Variants in ARHGAP20 observed in about 807,000 individuals in gnomAD.
ARHGAP20 encodes the protein Rho GTPase activating protein 20.
In ARHGAP20, 34 loss-of-function variants were observed where a neutral mutation model predicts 73.7. The observed-to-expected ratio is 0.46, with a 90% CI of 0.35 to 0.61. The LOEUF is 0.61. Among genes scored for constraint, ARHGAP20 ranks in the 20% least tolerant of loss-of-function variants. ARHGAP20 has a pLI of 0.00. For synonymous variants in ARHGAP20, 523 were observed against 518.2 expected (o/e 1.01, Z -0.13); for missense variants, 1,314 against 1,420.9 (o/e 0.92, Z 1.21).
Position 110,699,503 on chromosome 11 carries a change from C to T in ARHGAP20, c.106-8874G>A, listed in dbSNP as rs897171664. 2.6e-5 allele frequency among the ~76,000 whole-genome samples: 4 copies of T among 151,922 alleles called. No individual in the cohort carries two copies. In the South Asian group the frequency reaches 6.2e-4, roughly 24 times the overall value. On this transcript the variant is annotated intron_variant, in intron 1 of 14. Coordinates refer to ENST00000683387, the MANE Select transcript of ARHGAP20 (RefSeq NM_001384657.1). ...CTGTCCAGTGATATCAGTGGGGTGT[C>T]GAAGTCCCCCACTATTACTGTATTA...
chr11:110,701,437 T>A (rs1268345533), intron 1 of ARHGAP20, among the ~76,000 whole-genome samples: 1 of 151,902 alleles, frequency 6.6e-6, no homozygotes, highest in South Asian at 2.1e-4. Context: ...GGGGTTGTTT[T>A]TTTCTTGTAA....
intron 4 of ARHGAP20, among the ~76,000 whole-genome samples, chr11:110,623,152 C>T (rs1416442562): frequency 4.0e-5 from 6 of 151,760 alleles, no homozygotes; most frequent in African/African-American, 1.5e-4. Context: ...TGTGGTAGGC[C>T]AAATAGTGCA....
At chr11:110,604,914 T>C (rs1309243539) in intron 9 of ARHGAP20, among the ~76,000 whole-genome samples, 1 of 152,112 alleles carries the variant, frequency 6.6e-6, no homozygotes, top group East Asian at 1.9e-4. Flanking sequence ...GACAGTTGAC[T>C]CAAGTAGTTG....
In ARHGAP20 at chr11:110,592,057, T is replaced by A. The variant is rs1163059931; in HGVS notation, c.1063A>T (p.Thr355Ser). Residue 355 changes from threonine (T) to serine (S), a missense_variant, in exon 10 of 15, where the codon ACA (threonine) becomes TCA (serine). Physicochemically the swap from Thr to Ser is moderately conservative, Grantham distance 58. Coordinates refer to ENST00000683387, the MANE Select transcript of ARHGAP20 (RefSeq NM_001384657.1). ...AAGAGCTGTCCTGGCATAGGTGATG[T>A]TGGCGATGAGGGCAAGTTGTCCAGG... The part of the protein sequence containing the change: ...THLDNLPSSP[T>S]SPMPGQLFGI... 6.2e-7 allele frequency: 1 copy of A among 1,614,190 alleles called. No homozygotes were observed. The highest frequency in any genetic ancestry group is 1.7e-5 in the Admixed American group (1 of 60,026).
At chr11:110,581,727 A>G (rs929496083) in intron 14 of ARHGAP20, among the ~76,000 whole-genome samples, 2 of 152,222 alleles carry the variant, frequency 1.3e-5, no homozygotes, top group Admixed American at 1.3e-4. Context: ...AGAGATAAAG[A>G]CAATGATGTT....
At chr11:110,711,538 A>C (rs539024245) in intron 1 of ARHGAP20, 62 of 1,300,454 alleles carry the variant, frequency 4.8e-5, no homozygotes, top group Non-Finnish European at 5.7e-5. Context: ...ATCATCCAGG[A>C]CCCTGGTGTG....
chr11:110,582,412 C>G lies in ARHGAP20; in HGVS notation c.1629G>C (p.Leu543=). 1 of 1,613,066 alleles carries G rather than the reference C, an allele frequency of 6.2e-7. No individual in the cohort carries two copies. The change falls in exon 14 of 15, where the codon CTG becomes CTC. Residue 543 remains leucine (L), a synonymous_variant. Coordinates refer to ENST00000683387, the MANE Select transcript of ARHGAP20 (RefSeq NM_001384657.1). ...CAAATATCCTAAGGCAATTCTCAAT[C>G]AGAAATTGTATAAGCAGGGAAACCT... ...TKKVSLLIQF[L]IENCLRIFGE...
intron 2 of ARHGAP20, among the ~76,000 whole-genome samples, chr11:110,665,756 T>C (rs1398866808): frequency 6.6e-6 from 1 of 152,180 alleles, no homozygotes; most frequent in Non-Finnish European, 1.5e-5. Flanking sequence ...GGAAATTACC[T>C]GAGGCTGGGA....
intron 2 of ARHGAP20, among the ~76,000 whole-genome samples, chr11:110,634,942 GTT>G (rs11311003): frequency 1.3e-5 from 2 of 150,438 alleles, no homozygotes; most frequent in East Asian, 1.9e-4. Flanking sequence ...AATGAGAACA[GTT>G]TTTTTTTTAA....
At chr11:110,653,502 C>T (rs1235716642) in intron 2 of ARHGAP20, among the ~76,000 whole-genome samples, 2 of 152,094 alleles carry the variant, frequency 1.3e-5, no homozygotes, top group Non-Finnish European at 2.9e-5. Context: ...TAGAAAAATG[C>T]AAATCAAAAC....
intron 2 of ARHGAP20, among the ~76,000 whole-genome samples, chr11:110,687,243 T>C (rs1374642930): frequency 2.6e-5 from 4 of 151,790 alleles, no homozygotes; most frequent in African/African-American, 9.7e-5. Context: ...GCTAATTTTT[T>C]TTTTATAGAG....
At chr11:110,614,054 G>A (rs1399727175) in intron 6 of ARHGAP20, among the ~76,000 whole-genome samples, 1 of 152,090 alleles carries the variant, frequency 6.6e-6, no homozygotes, top group Non-Finnish European at 1.5e-5. Context: ...CCTTAAAAAT[G>A]TCACCTCTCC....
chr11:110,650,612 G>C (rs1371714228), intron 2 of ARHGAP20, among the ~76,000 whole-genome samples: 1 of 152,018 alleles, frequency 6.6e-6, no homozygotes, highest in African/African-American at 2.4e-5. Context: ...TCTATTGCTG[G>C]AATTATTTTC....
In ARHGAP20 at chr11:110,598,185, T is replaced by TC. The variant is rs377680161; in HGVS notation, c.965-6031dup. On this transcript the variant is annotated intron_variant, in intron 9 of 14. Transcript: ENST00000683387. ...GAATATCCCCACCTTTTTTTTTTTT[T>TC]CCCCTAGAGTAAAAAACACAGAGGT... is the stretch of plus-strand genomic sequence containing the variant. Among the ~76,000 whole-genome samples, 734 of 151,280 alleles carry TC rather than the reference T, an allele frequency of 4.9e-3. 4 individuals are homozygous for TC. Among genetic ancestry groups the TC allele is most frequent in the South Asian group, 0.015 (70 of 4,748 alleles).
chr11:110,578,764 T>C lies in ARHGAP20; in HGVS notation c.*606A>G, dbSNP rs904094589. ...CCCATGGCTTTTGAGTCACTCTGTTTTTCTCCACTCTAGCTGTAGCAATGG... is the reference window on the plus strand; with the variant it reads ...CCCATGGCTTTTGAGTCACTCTGTTCTTCTCCACTCTAGCTGTAGCAATGG... On this transcript the variant is annotated 3_prime_UTR_variant, in exon 15 of 15. Coordinates refer to ENST00000683387, the MANE Select transcript of ARHGAP20 (RefSeq NM_001384657.1). The C allele has an allele frequency of 1.5e-5, 15 of 985,422 alleles. No homozygotes were observed. Among genetic ancestry groups the C allele is most frequent in the Non-Finnish European group, 1.8e-5 (15 of 829,944 alleles). 61.0% of individuals were successfully genotyped at this position (985,422 alleles called of 1,614,324 possible). A position where few individuals can be genotyped will look rare whatever the true frequency, so the allele number is the denominator to read the frequency against.
intron 2 of ARHGAP20, among the ~76,000 whole-genome samples, chr11:110,660,106 A>G (rs1949575020): frequency 6.6e-6 from 1 of 151,986 alleles, no homozygotes; most frequent in African/African-American, 2.4e-5. Context: ...GTGGTTGTCA[A>G]ATTTTTAAGC....
chr11:110,689,310 G>GAT (rs1950197658), intron 2 of ARHGAP20, among the ~76,000 whole-genome samples: 1 of 151,934 alleles, frequency 6.6e-6, no homozygotes, highest in Non-Finnish European at 1.5e-5. Context: ...ATATGTCATA[G>GAT]ATATATCCTT....
At chr11:110,588,072 C>T (rs894407116) in intron 11 of ARHGAP20, among the ~76,000 whole-genome samples, 2 of 151,522 alleles carry the variant, frequency 1.3e-5, no homozygotes, top group East Asian at 3.9e-4. Context: ...AGAAAAACAT[C>T]ATTAACATCT....
chr11:110,648,359 T>TAC (rs1434524295), intron 2 of ARHGAP20, among the ~76,000 whole-genome samples: 4 of 149,238 alleles, frequency 2.7e-5, no homozygotes, highest in Non-Finnish European at 5.9e-5. Flanking sequence ...TATACATATA[T>TAC]ATATGTGGAT....
Sources: allele counts gnomAD v4.1 joint callset (sites outside exome capture counted in the v4.1 genomes callset), GRCh38; gene constraint gnomAD v4.1.1; transcripts MANE v1.5; gene names NCBI Gene and HGNC (gene_info 2026-07-23, HGNC 2026-07-21).